The following EIF3B variants were observed in gnomAD, a reference collection of about 807,000 sequenced individuals.
EIF3B encodes the protein eukaryotic translation initiation factor 3 subunit B.
In EIF3B, 10 loss-of-function variants were observed where a neutral mutation model predicts 104.6. The ratio of observed to expected loss-of-function variants is 0.10; its 90% CI spans 0.06 to 0.16. The LOEUF (loss-of-function observed/expected upper bound fraction) is 0.16, where lower values mean the gene tolerates loss of function less well. Ranked by LOEUF, EIF3B falls within the 10% of genes least tolerant of loss-of-function variation. The pLI, the probability that EIF3B is intolerant of heterozygous loss-of-function variation, is 1.00. For missense variants in EIF3B, 1,014 were observed against 1,087.9 expected (o/e 0.93, Z 0.96); for synonymous variants, 542 against 417.2 (o/e 1.30, Z -3.65).
At chr7:2,368,171 C>G (rs1026823178) in intron 9 of EIF3B, among the ~76,000 whole-genome samples, 2 of 151,906 alleles carry the variant, frequency 1.3e-5, no homozygotes, top group African/African-American at 4.8e-5. Flanking sequence ...GAGACAGAGT[C>G]TTACTCTGTT....
intron 12 of EIF3B, 137 bp from the exon 13 acceptor site, chr7:2,374,391 A>C: frequency 1.4e-6 from 1 of 702,750 alleles, no homozygotes; most frequent in Non-Finnish European, 2.4e-6. Context: ...ACTTTGTAAA[A>C]TTGTTTTCCG....
chr7:2,374,324 C>A, intron 12 of EIF3B: 2 of 502,496 alleles, frequency 4.0e-6, no homozygotes, highest in South Asian at 3.3e-5. Flanking sequence ...CCTGTCGCAT[C>A]TTCTTTTTTT....
At chr7:2,357,066 A>G (rs1252887714) in intron 1 of EIF3B, among the ~76,000 whole-genome samples, 4 of 152,168 alleles carry the variant, frequency 2.6e-5, no homozygotes, top group African/African-American at 9.7e-5. Flanking sequence ...TTCAATTGTT[A>G]TTATGGTTTA....
At chr7:2,359,445 G>C (rs1043259386) in intron 1 of EIF3B, among the ~76,000 whole-genome samples, 4 of 152,184 alleles carry the variant, frequency 2.6e-5, no homozygotes, top group Non-Finnish European at 5.9e-5. Context: ...AAAAGGACCA[G>C]GTTCAGGGGC....
At chr7:2,379,747 A>C (rs1046314544) in intron 18 of EIF3B, 3 of 509,798 alleles carry the variant, frequency 5.9e-6, no homozygotes, top group Admixed American at 6.8e-5. Flanking sequence ...TGGGTGAGGG[A>C]GGAGCTGTGG....
chr7:2,371,942 A>C (rs2115323437), intron 11 of EIF3B, 93 bp downstream of exon 11: 2 of 1,022,774 alleles, frequency 2.0e-6, no homozygotes, highest in South Asian at 2.6e-5. Context: ...TTGTCTGAGC[A>C]GCTGAGTCAG....
At position 2,355,119 on chromosome 7, in the gene EIF3B, G is replaced by T; in HGVS notation, c.198G>T (p.Val66=). 13 of 1,395,750 alleles carry T rather than the reference G, an allele frequency of 9.3e-6. No individual in the cohort carries two copies. Among genetic ancestry groups the T allele is most frequent in the Non-Finnish European group, 1.0e-5 (11 of 1,083,782 alleles). The allele number at this position is 1,395,750 out of a possible 1,614,324, so 86.5% of individuals were successfully genotyped here. ...GIAEAGPESE[V]RTEPAAEAEA... is the part of the protein sequence containing the mutation. ...CGGAGGCCGGGCCGGAGTCCGAGGTGAGGACCGAGCCGGCGGCCGAGGCAG... is the reference window on the plus strand; with the variant it reads ...CGGAGGCCGGGCCGGAGTCCGAGGTTAGGACCGAGCCGGCGGCCGAGGCAG... Residue 66 remains valine, a synonymous_variant, in exon 1 of 19, where the codon GTG becomes GTT. Transcript: ENST00000360876.
intron 12 of EIF3B, chr7:2,373,694 G>T (rs3807432): frequency 0.43 from 64,717 of 152,074 alleles, 15,807 homozygotes; most frequent in East Asian, 0.74. Context: ...CCAGAGACTT[G>T]TGTAAGTCTT....
At chr7:2,378,184 C>G (rs1283638209) in intron 15 of EIF3B, 1 of 116,466 alleles carries the variant, frequency 8.6e-6, no homozygotes, top group Non-Finnish European at 1.7e-5. Context: ...AAGGAGCAGG[C>G]GCGAGCGCTC....
chr7:2,371,522 G>A (rs1015050217), intron 10 of EIF3B, among the ~76,000 whole-genome samples: 1 of 152,154 alleles, frequency 6.6e-6, no homozygotes, highest in Non-Finnish European at 1.5e-5. Flanking sequence ...CGGGCAGGGC[G>A]GCTCCTGGAG....
intron 10 of EIF3B, among the ~76,000 whole-genome samples, chr7:2,369,965 C>G (rs1780234785): frequency 2.0e-5 from 3 of 151,740 alleles, no homozygotes; most frequent in African/African-American, 2.4e-5. Flanking sequence ...TTATTAGAGA[C>G]AGGGTTTCAC....
intron 2 of EIF3B, 25 bp downstream of exon 2, chr7:2,360,927 T>C: frequency 1.3e-6 from 2 of 1,561,648 alleles, no homozygotes; most frequent in Non-Finnish European, 1.8e-6. Flanking sequence ...GTTGGAGAAG[T>C]ATCATCTGTG....
At chr7:2,362,559 T>A (rs1779789835) in intron 2 of EIF3B, 86 bp from the exon 3 acceptor site, 2 of 1,548,542 alleles carry the variant, frequency 1.3e-6, no homozygotes, top group Admixed American at 3.4e-5. Context: ...CACCGAGGGC[T>A]TGTCCGTGGA....
chr7:2,375,306 C>A, intron 13 of EIF3B, 83 bp from the exon 14 acceptor site: 1 of 1,580,014 alleles, frequency 6.3e-7, no homozygotes. Context: ...CCCTGGGGAC[C>A]CCATGCCGCA....
intron 6 of EIF3B, among the ~76,000 whole-genome samples, chr7:2,365,285 G>T (rs572756066): frequency 7.0e-4 from 107 of 152,336 alleles, no homozygotes; most frequent in Non-Finnish European, 8.5e-4. Flanking sequence ...TCCGGCTGTC[G>T]GAGGCCTGCT....
At chr7:2,377,298 G>A (rs1026015418) in intron 15 of EIF3B, among the ~76,000 whole-genome samples, 1 of 152,254 alleles carries the variant, frequency 6.6e-6, no homozygotes, top group African/African-American at 2.4e-5. Context: ...AGTTTTGCAT[G>A]AACCCGAGGG....
intron 9 of EIF3B, 64 bp downstream of exon 9, chr7:2,367,109 A>C: frequency 7.1e-7 from 1 of 1,402,126 alleles, no homozygotes; most frequent in East Asian, 2.3e-5. Flanking sequence ...TACCAAAAAA[A>C]AAAAAAAAAA....
intron 8 of EIF3B, 27 bp from the exon 9 acceptor site, chr7:2,366,972 A>G (rs776414678): frequency 3.1e-6 from 5 of 1,608,698 alleles, no homozygotes; most frequent in Non-Finnish European, 4.2e-6. Flanking sequence ...ATTTGACTCA[A>G]CTGCAGCCTT....
intron 10 of EIF3B, among the ~76,000 whole-genome samples, chr7:2,371,560 G>A (rs1349266642): frequency 6.6e-6 from 1 of 152,202 alleles, no homozygotes; most frequent in Non-Finnish European, 1.5e-5. Flanking sequence ...GTTACTTCAT[G>A]CATGTCCAGT....
Sources: allele counts gnomAD v4.1 joint callset (sites outside exome capture counted in the v4.1 genomes callset), GRCh38; gene constraint gnomAD v4.1.1; transcripts MANE v1.5; gene names NCBI Gene and HGNC (gene_info 2026-07-23, HGNC 2026-07-21).